The following CPM variants were observed in gnomAD, a reference collection of about 807,000 sequenced individuals.
CPM encodes renal carboxypeptidase.
A neutral mutation model predicts 46.4 loss-of-function variants in CPM; 35 were observed. The ratio of observed to expected loss-of-function variants is 0.75; its 90% CI spans 0.58 to 1.00. The LOEUF is 1.00. Ranked by LOEUF, CPM falls within the 50% of genes least tolerant of loss-of-function variation. The pLI, the probability that CPM is intolerant of heterozygous loss-of-function variation, is 0.00. For synonymous variants in CPM, 195 were observed against 195.3 expected, an observed-to-expected ratio of 1.00 and a Z score of 0.01; for missense variants, 422 against 530.4, an observed-to-expected ratio of 0.80 and a Z score of 2.01.
intron 8 of CPM, among the ~76,000 whole-genome samples, chr12:68,857,974 G>A (rs1885048013): frequency 6.6e-6 from 1 of 152,160 alleles, no homozygotes; most frequent in African/African-American, 2.4e-5. Flanking sequence ...TTCTCGGCAG[G>A]AGTAGAAATT....
intron 7 of CPM, among the ~76,000 whole-genome samples, chr12:68,863,361 C>T (rs1250330324): frequency 6.6e-6 from 1 of 152,114 alleles, no homozygotes; most frequent in Non-Finnish European, 1.5e-5. Context: ...CCTCAGAGAC[C>T]GGGACAAGCA....
At chr12:68,945,383 C>A (rs1393987443) in intron 1 of CPM, among the ~76,000 whole-genome samples, 1 of 152,188 alleles carries the variant, frequency 6.6e-6, no homozygotes, top group Non-Finnish European at 1.5e-5. Flanking sequence ...ACTTTTCTTG[C>A]TGTCATAATC....
At chr12:68,902,644 CATA>C (rs1285031538) in intron 2 of CPM, among the ~76,000 whole-genome samples, 1 of 152,200 alleles carries the variant, frequency 6.6e-6, no homozygotes, top group African/African-American at 2.4e-5. Flanking sequence ...AGATATTTTA[CATA>C]ATTTCCAAAG....
chr12:68,937,896 G>A (rs893936203), upstream of CPM, among the ~76,000 whole-genome samples: 26 of 152,168 alleles, frequency 1.7e-4, no homozygotes, highest in African/African-American at 5.8e-4. Flanking sequence ...TGTTAGAGAG[G>A]ACCAATGACT....
At chr12:68,954,482 C>T (rs1888981732) in intron 1 of CPM, among the ~76,000 whole-genome samples, 1 of 152,198 alleles carries the variant, frequency 6.6e-6, no homozygotes, top group Non-Finnish European at 1.5e-5. Context: ...ATTTTTATCT[C>T]TCTCAGGCTC....
At chr12:68,933,718 A>T (rs966384792), upstream of CPM, among the ~76,000 whole-genome samples, 2 of 152,168 alleles carry the variant, frequency 1.3e-5, no homozygotes, top group Non-Finnish European at 2.9e-5. Flanking sequence ...CAGCGAGGCT[A>T]AGCAATCACG....
intron 7 of CPM, among the ~76,000 whole-genome samples, chr12:68,865,367 A>T (rs1022058486): frequency 6.6e-6 from 1 of 152,136 alleles, no homozygotes; most frequent in African/African-American, 2.4e-5. Flanking sequence ...ACTTCTCTTC[A>T]GGTCAGGGCA....
At chr12:68,884,670 C>A (rs1353629922) in intron 3 of CPM, among the ~76,000 whole-genome samples, 2 of 152,230 alleles carry the variant, frequency 1.3e-5, no homozygotes, top group South Asian at 2.1e-4. Flanking sequence ...ACCCACATTC[C>A]TGTGCAAAGT....
At chr12:68,953,188 G>A (rs1435120942) in intron 1 of CPM, among the ~76,000 whole-genome samples, 3 of 152,112 alleles carry the variant, frequency 2.0e-5, no homozygotes, top group South Asian at 2.1e-4. Context: ...GGAGCTCAAG[G>A]TAGTACACTT....
intron 1 of CPM, among the ~76,000 whole-genome samples, chr12:68,956,012 T>G (rs1251338876): frequency 6.6e-6 from 1 of 152,138 alleles, no homozygotes; most frequent in Admixed American, 6.5e-5. Context: ...GTCTGCCTCC[T>G]GCCACCATCA....
chr12:68,872,252 C>CT (rs10659287), intron 3 of CPM, among the ~76,000 whole-genome samples: 62,832 of 117,074 alleles, frequency 0.54, 17,543 homozygotes, highest in Non-Finnish European at 0.59. Context: ...CTGCTGCTTC[C>CT]TTTTTTTTTT....
At chr12:68,919,635 T>C (rs1358373335) in intron 2 of CPM, among the ~76,000 whole-genome samples, 2 of 152,224 alleles carry the variant, frequency 1.3e-5, no homozygotes, top group Admixed American at 6.5e-5. Context: ...TTCTTACAAC[T>C]CGAAAGATGG....
At chr12:68,903,866 C>A (rs1306904660) in intron 2 of CPM, among the ~76,000 whole-genome samples, 1 of 149,796 alleles carries the variant, frequency 6.7e-6, no homozygotes, top group Non-Finnish European at 1.5e-5. Flanking sequence ...TCTTCCCTCC[C>A]TCCCTTTCTC....
intron 1 of CPM, among the ~76,000 whole-genome samples, chr12:68,948,325 G>A (rs959212299): frequency 1.3e-5 from 2 of 152,162 alleles, no homozygotes; most frequent in African/African-American, 4.8e-5. Context: ...GAGGAAGATG[G>A]AAGAGAGATG....
At chr12:68,963,234 G>T in exon 1 of CPM, 1 of 199,596 alleles carries the variant, frequency 5.0e-6, no homozygotes, top group South Asian at 1.0e-4. Context: ...GCAGAAGGAA[G>T]AAATGCTGCT....
At chr12:68,927,841 T>C (rs937228892) in intron 2 of CPM, among the ~76,000 whole-genome samples, 9 of 152,142 alleles carry the variant, frequency 5.9e-5, no homozygotes, top group South Asian at 2.1e-4. Flanking sequence ...CAAGGAGAAC[T>C]ACAAACCACT....
intron 2 of CPM, among the ~76,000 whole-genome samples, chr12:68,910,716 G>A (rs1887559218): frequency 6.6e-6 from 1 of 151,914 alleles, no homozygotes; most frequent in Admixed American, 6.6e-5. Flanking sequence ...ACAACTCAGT[G>A]GCATTAACTA....
At chr12:68,950,057 C>T (rs914828208) in intron 1 of CPM, among the ~76,000 whole-genome samples, 9 of 152,098 alleles carry the variant, frequency 5.9e-5, no homozygotes, top group Admixed American at 2.6e-4. Flanking sequence ...GCCTTGTTCA[C>T]GTGCTCATGC....
intron 1 of CPM, among the ~76,000 whole-genome samples, chr12:68,949,319 C>T (rs1888898420): frequency 6.6e-6 from 1 of 152,148 alleles, no homozygotes. Context: ...TGCAGTAAGC[C>T]GTGATTGTAC....
Sources: allele counts gnomAD v4.1 joint callset (sites outside exome capture counted in the v4.1 genomes callset), GRCh38; gene constraint gnomAD v4.1.1; transcripts MANE v1.5; gene names NCBI Gene and HGNC (gene_info 2026-07-23, HGNC 2026-07-21).